Variants in LRRC49 observed in about 807,000 individuals in gnomAD.
The protein encoded by LRRC49 is leucine-rich repeat-containing protein 49.
LRRC49 carries 50 observed loss-of-function variants against 83.3 expected under a neutral mutation model. The observed-to-expected ratio is 0.60, with a 90% CI of 0.48 to 0.76. The LOEUF (loss-of-function observed/expected upper bound fraction) is 0.76, where lower values mean the gene tolerates loss of function less well. LRRC49 is among the 30% of genes least tolerant of loss of function. LRRC49 has a pLI of 0.00. For missense variants in LRRC49, 704 were observed against 809.1 expected (o/e 0.87, Z 1.58); for synonymous variants, 286 against 283.3 (o/e 1.01, Z -0.10).
chr15:71,045,858 C>T (rs1407736802), intron 15 of LRRC49, among the ~76,000 whole-genome samples: 1 of 152,140 alleles, frequency 6.6e-6, no homozygotes, highest in African/African-American at 2.4e-5. Flanking sequence ...CCCTACCACC[C>T]TCTATGTTGT....
intron 8 of LRRC49, among the ~76,000 whole-genome samples, chr15:70,946,361 G>A (rs1404244694): frequency 1.3e-5 from 2 of 151,908 alleles, no homozygotes; most frequent in East Asian, 3.9e-4. Context: ...TCTGTGCCTG[G>A]CTTATTTCAC....
chr15:70,954,744 C>T (rs1032551501), intron 8 of LRRC49, among the ~76,000 whole-genome samples: 3 of 151,826 alleles, frequency 2.0e-5, no homozygotes, highest in African/African-American at 7.3e-5. Flanking sequence ...CCCTGTGGGA[C>T]TGGGACTGGG....
At chr15:71,035,164 A>G (rs556856981) in intron 14 of LRRC49, among the ~76,000 whole-genome samples, 1 of 152,144 alleles carries the variant, frequency 6.6e-6, no homozygotes, top group Non-Finnish European at 1.5e-5. Context: ...ATATATCACA[A>G]TTGATTTTTA....
chr15:70,988,798 T>C (rs952564827), intron 11 of LRRC49, among the ~76,000 whole-genome samples: 2 of 152,186 alleles, frequency 1.3e-5, no homozygotes, highest in South Asian at 2.1e-4. Flanking sequence ...CCATGTTTAG[T>C]GCTTCCTTCA....
At chr15:70,887,391 A>G (rs1371127984) in intron 2 of LRRC49, among the ~76,000 whole-genome samples, 1 of 152,152 alleles carries the variant, frequency 6.6e-6, no homozygotes, top group East Asian at 1.9e-4. Context: ...CTAATATTTT[A>G]TTAAGCAATA....
At chr15:70,882,444 T>G in intron 2 of LRRC49, 3 of 1,598,226 alleles carry the variant, frequency 1.9e-6, no homozygotes, top group Non-Finnish European at 2.6e-6. Context: ...GAGCATTTGA[T>G]GTTGAGTTTT....
At chr15:70,945,765 C>T (rs927339964) in intron 8 of LRRC49, among the ~76,000 whole-genome samples, 1 of 151,672 alleles carries the variant, frequency 6.6e-6, no homozygotes, top group Non-Finnish European at 1.5e-5. Flanking sequence ...TGCTTCCATG[C>T]AAGTAAGGAA....
At chr15:70,882,244 G>A in intron 2 of LRRC49, 1 of 430,864 alleles carries the variant, frequency 2.3e-6, no homozygotes, top group East Asian at 3.5e-5. Context: ...GAAAAAAAAA[G>A]GTGAAAGTAG....
At chr15:70,865,710 C>T (rs912389720) in intron 1 of LRRC49, among the ~76,000 whole-genome samples, 4 of 152,124 alleles carry the variant, frequency 2.6e-5, no homozygotes, top group Admixed American at 2.6e-4. Context: ...CCAGACTTTC[C>T]CTGAGGCAAG....
At chr15:71,000,524 C>A (rs1389291748) in intron 11 of LRRC49, among the ~76,000 whole-genome samples, 1 of 152,152 alleles carries the variant, frequency 6.6e-6, no homozygotes, top group African/African-American at 2.4e-5. Context: ...TCCTAAGCCA[C>A]TCCAAGAATA....
intron 11 of LRRC49, among the ~76,000 whole-genome samples, chr15:70,994,395 T>A (rs2038006074): frequency 6.6e-6 from 1 of 152,212 alleles, no homozygotes; most frequent in African/African-American, 2.4e-5. Context: ...TCACAACTTG[T>A]AGGGGAAATA....
intron 11 of LRRC49, among the ~76,000 whole-genome samples, chr15:70,989,752 C>A (rs563617598): frequency 6.6e-6 from 1 of 152,190 alleles, no homozygotes; most frequent in East Asian, 1.9e-4. Context: ...TTTTCCCCAT[C>A]TTTGTGGTTT....
chr15:70,976,616 A>G (rs1419785765), intron 9 of LRRC49, among the ~76,000 whole-genome samples: 1 of 152,160 alleles, frequency 6.6e-6, no homozygotes, highest in Admixed American at 6.5e-5. Context: ...ATTGACTTGA[A>G]ATTATTTCTA....
chr15:70,865,428 C>T (rs563599971), intron 1 of LRRC49, among the ~76,000 whole-genome samples: 53 of 152,208 alleles, frequency 3.5e-4, no homozygotes, highest in Non-Finnish European at 7.1e-4. Flanking sequence ...TTGATAGTTC[C>T]GTAAAATTAT....
At chr15:70,997,029 CT>C (rs995463639) in intron 11 of LRRC49, among the ~76,000 whole-genome samples, 1 of 152,120 alleles carries the variant, frequency 6.6e-6, no homozygotes, top group African/African-American at 2.4e-5. Context: ...TATTCTGTTG[CT>C]GGGTGGGGTT....
At chr15:70,919,721 C>T (rs1327278054) in intron 7 of LRRC49, among the ~76,000 whole-genome samples, 1 of 152,154 alleles carries the variant, frequency 6.6e-6, no homozygotes, top group Admixed American at 6.5e-5. Flanking sequence ...TAAATCACAA[C>T]TCTCTTGGCC....
Position 71,037,265 on chromosome 15 carries a change from T to C in LRRC49, c.1790T>C (p.Val597Ala), listed in dbSNP as rs2039552116. The change falls in exon 15 of 16, where the codon GTA (valine) becomes GCA (alanine). Residue 597 changes from valine (V) to alanine (A), a missense_variant. Coordinates refer to ENST00000260382, the MANE Select transcript of LRRC49 (RefSeq NM_017691.5). Reference sequence around the variant, plus strand: ...GAAAATAATGACAGCAAAAGACTTGTAGGAGAAAACACAAATCGTGCTACA... The same window carrying C: ...GAAAATAATGACAGCAAAAGACTTGCAGGAGAAAACACAAATCGTGCTACA... The part of the protein sequence containing the change: ...NEENNDSKRL[V>A]GENTNRATLN... The C allele has an allele frequency of 6.2e-7, 1 of 1,609,724 alleles. No homozygotes were observed. Among genetic ancestry groups the C allele is most frequent in the Admixed American group, 1.7e-5 (1 of 59,666 alleles).
intron 14 of LRRC49, among the ~76,000 whole-genome samples, chr15:71,015,767 T>C (rs975409506): frequency 6.6e-6 from 1 of 152,202 alleles, no homozygotes; most frequent in African/African-American, 2.4e-5. Context: ...GCACATACCT[T>C]TACACTTAGC....
At chr15:70,936,266 G>A (rs549058097) in intron 7 of LRRC49, among the ~76,000 whole-genome samples, 2 of 152,226 alleles carry the variant, frequency 1.3e-5, no homozygotes, top group Admixed American at 1.3e-4. Context: ...AATCATTAGT[G>A]TATTGGTTCA....
Sources: allele counts gnomAD v4.1 joint callset (sites outside exome capture counted in the v4.1 genomes callset), GRCh38; gene constraint gnomAD v4.1.1; transcripts MANE v1.5; gene names NCBI Gene and HGNC (gene_info 2026-07-23, HGNC 2026-07-21).